Variants in CARMIL1 observed in about 807,000 individuals in gnomAD.
The protein encoded by CARMIL1 is capping protein regulator and myosin 1 linker 1.
CARMIL1 carries 90 observed loss-of-function variants against 177.1 expected under a neutral mutation model. The ratio of observed to expected loss-of-function variants is 0.51; its 90% CI spans 0.43 to 0.61. The LOEUF is 0.61. Ranked by LOEUF, CARMIL1 falls within the 20% of genes least tolerant of loss-of-function variation. CARMIL1 has a pLI of 0.00. For missense variants in CARMIL1, 1,380 were observed against 1,667.0 expected, an observed-to-expected ratio of 0.83 and a Z score of 3.00; for synonymous variants, 577 against 606.2, an observed-to-expected ratio of 0.95 and a Z score of 0.71.
chr6:25,365,699 T>G (rs1006652677), intron 2 of CARMIL1, among the ~76,000 whole-genome samples: 1 of 152,158 alleles, frequency 6.6e-6, no homozygotes, highest in African/African-American at 2.4e-5. Context: ...ACTATAGGCA[T>G]GTGCCACTGT....
chr6:25,465,025 T>G (rs1420237586), intron 8 of CARMIL1, among the ~76,000 whole-genome samples: 1 of 133,590 alleles, frequency 7.5e-6, no homozygotes, highest in Non-Finnish European at 1.5e-5. Context: ...AAGACAAAAA[T>G]GCACCTGGGC....
At chr6:25,405,080 C>T (rs1479400498) in intron 2 of CARMIL1, among the ~76,000 whole-genome samples, 1 of 152,128 alleles carries the variant, frequency 6.6e-6, no homozygotes, top group Non-Finnish European at 1.5e-5. Context: ...AAAAGCTCTG[C>T]CTGAACTTTC....
intron 36 of CARMIL1, among the ~76,000 whole-genome samples, chr6:25,610,473 G>A (rs1816417238): frequency 6.6e-6 from 1 of 152,064 alleles, no homozygotes; most frequent in Admixed American, 6.5e-5. Flanking sequence ...AGCATGTTAG[G>A]AGCTCCTTAA....
intron 12 of CARMIL1, among the ~76,000 whole-genome samples, chr6:25,483,884 C>G (rs1420561951): frequency 6.6e-6 from 1 of 152,122 alleles, no homozygotes; most frequent in African/African-American, 2.4e-5. Flanking sequence ...CCTCCCGCCT[C>G]AGCCCCCCAA....
intron 10 of CARMIL1, 73 bp downstream of exon 10, chr6:25,471,330 A>AT: frequency 9.9e-6 from 10 of 1,007,946 alleles, no homozygotes; most frequent in South Asian, 3.6e-5. Flanking sequence ...ATTAATTCAT[A>AT]GTTTTTTTTT....
intron 29 of CARMIL1, among the ~76,000 whole-genome samples, chr6:25,567,783 A>C (rs1169949790): frequency 3.3e-5 from 5 of 152,222 alleles, no homozygotes; most frequent in African/African-American, 1.2e-4. Context: ...GTCACAGTAG[A>C]TAAATTAAGT....
At chr6:25,293,435 G>T (rs1782143024) in intron 2 of CARMIL1, among the ~76,000 whole-genome samples, 1 of 151,878 alleles carries the variant, frequency 6.6e-6, no homozygotes, top group South Asian at 2.1e-4. Context: ...ATCCAAGCTG[G>T]AGTGCAGTGG....
At chr6:25,400,672 G>T (rs886447529) in intron 2 of CARMIL1, among the ~76,000 whole-genome samples, 1 of 152,182 alleles carries the variant, frequency 6.6e-6, no homozygotes, top group Admixed American at 6.5e-5. Context: ...AGAAGGAAAT[G>T]GGTTTTTCTC....
intron 8 of CARMIL1, among the ~76,000 whole-genome samples, chr6:25,459,277 T>TCTTTCTTTCTTCCTTTCTTCC (rs1450322009): frequency 7.2e-6 from 1 of 139,688 alleles, no homozygotes; most frequent in Non-Finnish European, 1.6e-5. Flanking sequence ...TTTTTTTTTT[T>TCTTTCTTTCTTCCTTTCTTCC]TTTAAGACAG....
Position 25,342,172 on chromosome 6 carries a change from G to A in CARMIL1, c.138+57263G>A, listed in dbSNP as rs866690857. On this transcript the variant is annotated intron_variant, in intron 2 of 36. Transcript: ENST00000329474. ...GAATGGGAACACCAGGGGGTGATTC[G>A]ATCATTAAGCTTTCCTCTGAGAATG... Among the ~76,000 whole-genome samples the A allele has an allele frequency of 2.0e-5, 3 of 152,316 alleles. No homozygotes were observed. The Middle Eastern group carries it at 0.01, about 518-fold the overall frequency.
At chr6:25,568,550 G>T (rs760704337) in intron 29 of CARMIL1, among the ~76,000 whole-genome samples, 2 of 152,108 alleles carry the variant, frequency 1.3e-5, no homozygotes, top group Non-Finnish European at 1.5e-5. Context: ...AGCCAGAGCC[G>T]AGCTGTAGGG....
At chr6:25,319,296 A>G (rs1784508137) in intron 2 of CARMIL1, among the ~76,000 whole-genome samples, 1 of 152,144 alleles carries the variant, frequency 6.6e-6, no homozygotes, top group South Asian at 2.1e-4. Flanking sequence ...TTTGCAAGTA[A>G]TAAAATATAT....
intron 2 of CARMIL1, among the ~76,000 whole-genome samples, chr6:25,331,004 A>G (rs1246878496): frequency 6.6e-6 from 1 of 151,874 alleles, no homozygotes; most frequent in African/African-American, 2.4e-5. Flanking sequence ...TTGTAGAAAG[A>G]AGAAATTTGT....
intron 5 of CARMIL1, among the ~76,000 whole-genome samples, chr6:25,436,530 G>A (rs1562133780): frequency 6.6e-6 from 1 of 152,196 alleles, no homozygotes; most frequent in African/African-American, 2.4e-5. Flanking sequence ...GAGAGACAAA[G>A]CAGCAGGAAA....
At chr6:25,590,677 G>T (rs1231506639) in intron 31 of CARMIL1, among the ~76,000 whole-genome samples, 1 of 152,064 alleles carries the variant, frequency 6.6e-6, no homozygotes, top group African/African-American at 2.4e-5. Flanking sequence ...TCATAGATCT[G>T]TTCAGGTTAC....
chr6:25,341,780 A>G (rs1465690159), intron 2 of CARMIL1, among the ~76,000 whole-genome samples: 2 of 152,256 alleles, frequency 1.3e-5, no homozygotes, highest in Non-Finnish European at 2.9e-5. Flanking sequence ...GTAATAAGAC[A>G]GACATAGTTT....
rs1759562968 is a variant in CARMIL1, at chr6:25,619,499, A to G, written c.4032A>G (p.Gln1344=). ...QQAQEYQEQK[Q]RSSSKDGHQG... ...CCCAGGAGTATCAAGAACAAAAGCAACGGTCCTCCAGTAAAGATGGCCATC... is the reference window on the plus strand; with the variant it reads ...CCCAGGAGTATCAAGAACAAAAGCAGCGGTCCTCCAGTAAAGATGGCCATC... The change falls in exon 37 of 37, where the codon CAA becomes CAG. Residue 1344 remains glutamine (Q), a synonymous_variant. Coordinates refer to ENST00000329474, the MANE Select transcript of CARMIL1 (RefSeq NM_017640.6). 1.2e-6 allele frequency: 2 copies of G among 1,613,890 alleles called. No homozygotes were observed. Among genetic ancestry groups the G allele is most frequent in the East Asian group, 2.2e-5 (1 of 44,864 alleles).
chr6:25,329,653 C>A (rs2150271103), intron 2 of CARMIL1, among the ~76,000 whole-genome samples: 1 of 152,268 alleles, frequency 6.6e-6, no homozygotes, highest in East Asian at 1.9e-4. Flanking sequence ...CATCAGGGAT[C>A]TTTTGGAGAA....
At chr6:25,590,535 G>T (rs532385301) in intron 31 of CARMIL1, among the ~76,000 whole-genome samples, 7 of 152,054 alleles carry the variant, frequency 4.6e-5, no homozygotes, top group African/African-American at 1.7e-4. Context: ...CTATTCTCTG[G>T]AACAGTTTAC....
Sources: allele counts gnomAD v4.1 joint callset (sites outside exome capture counted in the v4.1 genomes callset), GRCh38; gene constraint gnomAD v4.1.1; transcripts MANE v1.5; gene names NCBI Gene and HGNC (gene_info 2026-07-23, HGNC 2026-07-21).